Variants in TRPV4 observed in about 807,000 individuals in gnomAD.
The protein encoded by TRPV4 is transient receptor potential cation channel subfamily V member 4, also known as OSM9-like transient receptor potential channel 4.
Under a neutral mutation model 84.1 loss-of-function variants are expected in TRPV4, and 58 were observed. The observed-to-expected ratio is 0.69, with a 90% CI of 0.56 to 0.86. TRPV4 has a LOEUF of 0.86. Ranked by LOEUF, TRPV4 falls within the 40% of genes least tolerant of loss-of-function variation. The pLI, the probability that TRPV4 is intolerant of heterozygous loss-of-function variation, is 0.00. For missense variants in TRPV4, 879 were observed against 1,181.1 expected (o/e 0.74, Z 3.75); for synonymous variants, 489 against 500.9 (o/e 0.98, Z 0.32).
At position 109,784,306 on chromosome 12, in the gene TRPV4, C is replaced by G; in HGVS notation, c.2458+10G>C. ...CTGGGGCTCCCCTCCGCACCCGCCC[C>G]TCCACTCACCCCTGCGGAGGCGGCC... On this transcript the variant is annotated intron_variant, in intron 15 of 15. Transcript: ENST00000261740. 1.2e-6 allele frequency: 2 copies of G among 1,614,154 alleles called. No individual in the cohort carries two copies. The highest frequency in any genetic ancestry group is 2.2e-5 in the South Asian group (2 of 91,086).
intron 14 of TRPV4, 140 bp from the exon 15 acceptor site, chr12:109,784,577 C>A (rs1276693594): frequency 2.2e-6 from 3 of 1,337,048 alleles, no homozygotes; most frequent in Non-Finnish European, 3.1e-6. Context: ...TGCCTGCAAT[C>A]CCAGCACTTT....
chr12:109,793,906 G>A lies in TRPV4; in HGVS notation c.1584+24C>T, dbSNP rs375478213. ...GAGAAGAGGAGGGCAGGCAGGGTGG[G>A]GGGCACGGGGGCCAGGCACTTACGT... On this transcript the variant is annotated intron_variant, in intron 9 of 15. Transcript: ENST00000261740. This position sits in a 1 kb window ranked among gnomAD's most constrained non-coding sequence, Gnocchi z 4.0. 11 of 1,570,660 alleles carry A rather than the reference G, an allele frequency of 7.0e-6. No individual in the cohort carries two copies. Among genetic ancestry groups the A allele is most frequent in the Admixed American group, 3.5e-5 (2 of 56,502 alleles).
chr12:109,821,484 T>C (rs748307123), intron 1 of TRPV4, among the ~76,000 whole-genome samples: 5 of 152,106 alleles, frequency 3.3e-5, no homozygotes, highest in Non-Finnish European at 7.4e-5. Context: ...ACTCTTAGAG[T>C]AACATGTGCC....
intron 12 of TRPV4, 97 bp downstream of exon 12, chr12:109,792,266 G>GAA: frequency 2.8e-6 from 1 of 352,396 alleles, no homozygotes; most frequent in Non-Finnish European, 4.9e-6. Context: ...AAAAAAAAAA[G>GAA]AACTCAGCAA....
At chr12:109,804,949 C>T (rs1891027113) in intron 3 of TRPV4, among the ~76,000 whole-genome samples, 1 of 152,160 alleles carries the variant, frequency 6.6e-6, no homozygotes, top group South Asian at 2.1e-4. Flanking sequence ...CTGAAACATT[C>T]TTCCCTCCTC....
chr12:109,828,156 G>GTCTGTCCCCTGAGCCCCCGCCTCCT (rs1381725167), intron 1 of TRPV4, among the ~76,000 whole-genome samples: 5 of 152,200 alleles, frequency 3.3e-5, no homozygotes, highest in African/African-American at 1.2e-4. Flanking sequence ...TGGCCCGCCT[G>GTCTGTCCCCTGAGCCCCCGCCTCCT]TCTGTCCCCT....
In TRPV4 at chr12:109,814,104, T is replaced by C. The variant is rs1891703283; in HGVS notation, c.386+307A>G. ...ATGGAGAGATGAATGGATCGATGGA[T>C]AGATGTATGGATGGTTGGATGGATG... On this transcript the variant is annotated intron_variant, in intron 2 of 15. Coordinates refer to ENST00000261740, the MANE Select transcript of TRPV4 (RefSeq NM_021625.5). The surrounding 1 kb of genome is among the most constrained non-coding windows in gnomAD (Gnocchi z 5.4). Among the ~76,000 whole-genome samples, 1 of 151,110 alleles carries C rather than the reference T, an allele frequency of 6.6e-6. No individual in the cohort carries two copies. Among genetic ancestry groups the C allele is most frequent in the Admixed American group, 6.6e-5 (1 of 15,174 alleles).
chr12:109,789,341 A>G (rs1889895640), intron 12 of TRPV4, among the ~76,000 whole-genome samples: 1 of 152,142 alleles, frequency 6.6e-6, no homozygotes, highest in African/African-American at 2.4e-5. Context: ...TCAAATGTCA[A>G]TAGTGTTGGG....
intron 2 of TRPV4, among the ~76,000 whole-genome samples, chr12:109,809,324 C>T (rs1444269254): frequency 6.8e-6 from 1 of 146,960 alleles, no homozygotes; most frequent in Non-Finnish European, 1.5e-5. Context: ...CATCCCTCAT[C>T]CATACATCCA....
At chr12:109,808,811 C>T (rs747623917) in intron 2 of TRPV4, among the ~76,000 whole-genome samples, 9 of 147,720 alleles carry the variant, frequency 6.1e-5, no homozygotes, top group Non-Finnish European at 1.0e-4. Flanking sequence ...CCCACTCATC[C>T]ATCTATCCAC....
intron 1 of TRPV4, among the ~76,000 whole-genome samples, chr12:109,818,160 G>A (rs1402842169): frequency 6.6e-6 from 1 of 152,104 alleles, no homozygotes; most frequent in Non-Finnish European, 1.5e-5. Flanking sequence ...TGTCCTGGGT[G>A]CCAGGTGAGG....
At chr12:109,811,778 G>C (rs185016998) in intron 2 of TRPV4, among the ~76,000 whole-genome samples, 120 of 152,178 alleles carry the variant, frequency 7.9e-4, no homozygotes, top group Non-Finnish European at 1.5e-3. Context: ...AGAGATAAAT[G>C]AATCTGTGGC....
intron 12 of TRPV4, among the ~76,000 whole-genome samples, chr12:109,791,479 C>CTTT (rs1192347867): frequency 3.3e-4 from 43 of 128,408 alleles, no homozygotes; most frequent in East Asian, 6.7e-4. Context: ...CATTCACCAG[C>CTTT]TTTTTTTTTT....
chr12:109,794,078 C>T, intron 8 of TRPV4, 56 bp from the exon 9 acceptor site: 2 of 1,426,950 alleles, frequency 1.4e-6, no homozygotes, highest in South Asian at 1.2e-5. Flanking sequence ...CATCTGGCCC[C>T]CAATCCAGAT....
In TRPV4 at chr12:109,784,266, C is replaced by T. The variant is rs747044370; in HGVS notation, c.2458+50G>A. The T allele has an allele frequency of 1.8e-5, 29 of 1,613,512 alleles. 3 individuals are homozygous for T. The South Asian group carries it at 2.3e-4, about 13-fold the overall frequency. Reference sequence around the variant, plus strand: ...GAAGCAGGACTGCTCAAAGCAAATTCGTGATGAGAATGGACTGGGGCTCCC... The same window carrying T: ...GAAGCAGGACTGCTCAAAGCAAATTTGTGATGAGAATGGACTGGGGCTCCC... On this transcript the variant is annotated intron_variant, in intron 15 of 15. Coordinates refer to ENST00000261740, the MANE Select transcript of TRPV4 (RefSeq NM_021625.5).
chr12:109,808,510 C>T (rs571727191), intron 2 of TRPV4, 42 bp from the exon 3 acceptor site: 143 of 1,582,272 alleles, frequency 9.0e-5, no homozygotes, highest in Non-Finnish European at 1.1e-4. Context: ...GGGCTCATCC[C>T]CTGCCTGCCC....
intron 1 of TRPV4, among the ~76,000 whole-genome samples, chr12:109,832,916 CAAG>C (rs34779355): frequency 0.34 from 51,809 of 151,558 alleles, 9,177 homozygotes; most frequent in South Asian, 0.53. Flanking sequence ...ACTCAGTAAC[CAAG>C]AAGAAGCCTT....
chr12:109,814,957 C>A lies in TRPV4; in HGVS notation c.-31-130G>T, dbSNP rs1891775851. The stretch of plus-strand genomic sequence containing the variant: ...AGCCACCGTTGTAATGACAGGGGCA[C>A]AGGGAGGCCACTCCCAGATGTGGTT... On this transcript the variant is annotated intron_variant, in intron 1 of 15. Transcript: ENST00000261740. The surrounding 1 kb of genome is among the most constrained non-coding windows in gnomAD (Gnocchi z 5.4). The A allele has an allele frequency of 1.2e-6, 1 of 866,924 alleles. No individual in the cohort carries two copies. Among genetic ancestry groups the A allele is most frequent in the Admixed American group, 2.7e-5 (1 of 36,410 alleles). 53.7% of individuals were successfully genotyped at this position (866,924 alleles called of 1,614,324 possible).
In TRPV4 at chr12:109,784,387, T is replaced by C. The variant is rs1188535536; in HGVS notation, c.2387A>G (p.Asn796Ser). 5 of 1,614,210 alleles carry C rather than the reference T, an allele frequency of 3.1e-6. No homozygotes were observed. Among genetic ancestry groups the C allele is most frequent in the Non-Finnish European group, 3.4e-6 (4 of 1,180,044 alleles). The change falls in exon 15 of 16, where the codon AAC (asparagine) becomes AGC (serine). Residue 796 changes from asparagine (N) to serine (S), a missense_variant. Physicochemically the swap from Asn to Ser is conservative, Grantham distance 46. Coordinates refer to ENST00000261740, the MANE Select transcript of TRPV4 (RefSeq NM_021625.5). ...SHWNQNLGII[N>S]EDPGKNETYQ... ...GGTCTCATTCTTGCCCGGGTCCTCGTTGATGATGCCCAAGTTCTGGTTCCA... is the reference window on the plus strand; with the variant it reads ...GGTCTCATTCTTGCCCGGGTCCTCGCTGATGATGCCCAAGTTCTGGTTCCA...
Sources: gnomAD v4.1 joint callset for allele counts (sites outside exome capture counted in the v4.1 genomes callset) on GRCh38, gnomAD v4.1.1 for gene constraint, Gnocchi (gnomAD v3.1) non-coding constraint, MANE v1.5 for transcripts, NCBI Gene and HGNC (gene_info 2026-07-23, HGNC 2026-07-21) for gene names.